The following OSBPL6 variants were observed in gnomAD, a reference collection of about 807,000 sequenced individuals.
OSBPL6 encodes the protein oxysterol-binding protein-related protein 6.
Under a neutral mutation model 125.8 loss-of-function variants are expected in OSBPL6, and 49 were observed. That is an observed-to-expected ratio of 0.39 (90% CI 0.31 to 0.49). OSBPL6 has a LOEUF of 0.49. Among genes scored for constraint, OSBPL6 ranks in the 20% least tolerant of loss-of-function variants. OSBPL6 has a pLI of 0.88. For synonymous variants in OSBPL6, 394 were observed against 391.8 expected, an observed-to-expected ratio of 1.01 and a Z score of -0.07; for missense variants, 986 against 1,135.4, an observed-to-expected ratio of 0.87 and a Z score of 1.89.
chr2:178,240,575 A>G (rs530821543), intron 1 of OSBPL6, among the ~76,000 whole-genome samples: 2 of 152,082 alleles, frequency 1.3e-5, no homozygotes, highest in East Asian at 3.9e-4. Context: ...TAACTAATGA[A>G]ATAAATAAAT....
chr2:178,321,574 A>T (rs1323364371), intron 3 of OSBPL6, among the ~76,000 whole-genome samples: 1 of 152,212 alleles, frequency 6.6e-6, no homozygotes, highest in East Asian at 1.9e-4. Context: ...TTGAATAGAC[A>T]ATGATAGGTT....
rs371971013 is a variant in OSBPL6, at chr2:178,394,302, T to A, written c.2574-11T>A. 131 of 1,609,700 alleles carry A rather than the reference T, an allele frequency of 8.1e-5. No individual in the cohort carries two copies. The highest frequency in any genetic ancestry group is 1.9e-4 in the Admixed American group (11 of 58,640). ...GATAATATGTTAAAATATCAACTGC[T>A]TTCTGCTTAGATTTTTGGAAGAAGG... On this transcript the variant is annotated splice_polypyrimidine_tract_variant and intron_variant, in intron 23 of 24. Transcript: ENST00000190611.
intron 1 of OSBPL6, among the ~76,000 whole-genome samples, chr2:178,256,734 C>A (rs891899361): frequency 1.3e-5 from 2 of 152,142 alleles, no homozygotes; most frequent in Non-Finnish European, 2.9e-5. Context: ...AATACTTTAC[C>A]TAAGTGATTT....
rs1292476169 is a variant in OSBPL6, at chr2:178,384,121, G to C, written c.1958G>C (p.Gly653Ala). ...AGTAAGCCATTCAACCCAGTCCTTG[G>C]GGAGACTTATGAATGCATTAGAGAA... ...AGSKPFNPVLGETYECIREDK... is the reference protein window; with the variant it reads ...AGSKPFNPVLAETYECIREDK... The change falls in exon 18 of 25, where the codon GGG becomes GCG. Residue 653 changes from glycine to alanine, a missense_variant. Physicochemically the swap from Gly to Ala is moderately conservative, Grantham distance 60. Coordinates refer to ENST00000190611, the MANE Select transcript of OSBPL6 (RefSeq NM_032523.4). The C allele has an allele frequency of 6.2e-7, 1 of 1,614,104 alleles. No individual in the cohort carries two copies.
intron 3 of OSBPL6, among the ~76,000 whole-genome samples, chr2:178,307,032 G>T (rs573223303): frequency 6.6e-6 from 1 of 152,136 alleles, no homozygotes; most frequent in Non-Finnish European, 1.5e-5. Context: ...TAGTATCTTG[G>T]TTGTGTAACT....
intron 15 of OSBPL6, among the ~76,000 whole-genome samples, chr2:178,379,309 AACAGGAAGGAAGGAAG>A: frequency 1.5e-5 from 2 of 132,912 alleles, no homozygotes; most frequent in South Asian, 3.0e-4. Context: ...GAAAGAAAGA[AACAGGAAGGAAGGAAG>A]GAAAGGAAGG....
At chr2:178,285,604 C>G (rs1412143291) in intron 2 of OSBPL6, among the ~76,000 whole-genome samples, 2 of 152,148 alleles carry the variant, frequency 1.3e-5, no homozygotes, top group Non-Finnish European at 2.9e-5. Context: ...GGCTGTGGTA[C>G]TAGCAATACT....
upstream of OSBPL6, among the ~76,000 whole-genome samples, chr2:178,194,022 T>C (rs1574439788): frequency 2.0e-5 from 3 of 152,284 alleles, no homozygotes; most frequent in South Asian, 6.2e-4. Flanking sequence ...CAGGCAGCCG[T>C]TCCTTTCGGA....
At chr2:178,265,316 A>G (rs1468267477) in intron 1 of OSBPL6, among the ~76,000 whole-genome samples, 2 of 142,022 alleles carry the variant, frequency 1.4e-5, no homozygotes, top group Admixed American at 7.3e-5. Flanking sequence ...GGCTCAAGTG[A>G]TCCTCCCACC....
chr2:178,300,111 C>T (rs564485188), intron 2 of OSBPL6, among the ~76,000 whole-genome samples: 1 of 152,340 alleles, frequency 6.6e-6, no homozygotes, highest in East Asian at 1.9e-4. Context: ...CTATATATCT[C>T]AAATTGAGGA....
chr2:178,274,243 T>C (rs1462680311), intron 1 of OSBPL6, among the ~76,000 whole-genome samples: 4 of 152,176 alleles, frequency 2.6e-5, no homozygotes. Context: ...GGGCCATCTT[T>C]GTTAGTATTC....
chr2:178,200,607 C>T (rs1454896561), intron 1 of OSBPL6, among the ~76,000 whole-genome samples: 1 of 151,876 alleles, frequency 6.6e-6, no homozygotes, highest in Non-Finnish European at 1.5e-5. Flanking sequence ...CTTCCTTTTT[C>T]CTCTGCTGGC....
intron 1 of OSBPL6, among the ~76,000 whole-genome samples, chr2:178,227,342 C>T (rs189420776): frequency 6.6e-6 from 1 of 152,320 alleles, no homozygotes; most frequent in African/African-American, 2.4e-5. Context: ...CACAGGATCT[C>T]ATATCCTGCT....
At chr2:178,203,264 G>C (rs1441153631) in intron 1 of OSBPL6, among the ~76,000 whole-genome samples, 1 of 152,116 alleles carries the variant, frequency 6.6e-6, no homozygotes, top group Non-Finnish European at 1.5e-5. Flanking sequence ...GGCTAGACTT[G>C]AACTCTTGGG....
chr2:178,390,402 T>A (rs1014852025), intron 21 of OSBPL6, among the ~76,000 whole-genome samples: 5 of 152,168 alleles, frequency 3.3e-5, no homozygotes, highest in African/African-American at 1.2e-4. Context: ...TAAGCTCTGT[T>A]CACACCCCCA....
At chr2:178,280,764 A>C (rs572412808) in intron 1 of OSBPL6, among the ~76,000 whole-genome samples, 1 of 152,302 alleles carries the variant, frequency 6.6e-6, no homozygotes, top group African/African-American at 2.4e-5. Context: ...TCTTCTTTTG[A>C]GAAGTGTCTA....
intron 1 of OSBPL6, among the ~76,000 whole-genome samples, chr2:178,265,308 C>A (rs1392514558): frequency 7.1e-6 from 1 of 140,682 alleles, no homozygotes; most frequent in African/African-American, 2.7e-5. Context: ...ACCTTCTGGG[C>A]TCAAGTGATC....
intron 1 of OSBPL6, among the ~76,000 whole-genome samples, chr2:178,228,349 C>A (rs967525931): frequency 2.0e-5 from 3 of 152,134 alleles, no homozygotes; most frequent in Non-Finnish European, 4.4e-5. Flanking sequence ...TCCTGGCTAA[C>A]ATGGTGAAAC....
chr2:178,347,429 C>T (rs1477918237), intron 11 of OSBPL6, among the ~76,000 whole-genome samples: 1 of 151,124 alleles, frequency 6.6e-6, no homozygotes, highest in Non-Finnish European at 1.5e-5. Context: ...ATTTTTTCCA[C>T]TCACAGTCTC....
Sources: gnomAD v4.1 joint callset for allele counts (sites outside exome capture counted in the v4.1 genomes callset) on GRCh38, gnomAD v4.1.1 for gene constraint, MANE v1.5 for transcripts, NCBI Gene and HGNC (gene_info 2026-07-23, HGNC 2026-07-21) for gene names.